Variants in CAMK1D observed in about 807,000 individuals in gnomAD.
The protein encoded by CAMK1D is calcium/calmodulin-dependent protein kinase type 1D.
A neutral mutation model predicts 47.7 loss-of-function variants in CAMK1D; 9 were observed. That is an observed-to-expected ratio of 0.19 (90% CI 0.11 to 0.33). The LOEUF is 0.33. CAMK1D is among the 10% of genes least tolerant of loss of function. CAMK1D has a pLI of 1.00. For missense variants in CAMK1D, 291 were observed against 488.7 expected (o/e 0.60, Z 3.81); for synonymous variants, 184 against 184.9 (o/e 0.99, Z 0.04).
At chr10:12,696,518 C>T (rs1443630616) in intron 3 of CAMK1D, among the ~76,000 whole-genome samples, 1 of 152,196 alleles carries the variant, frequency 6.6e-6, no homozygotes, top group East Asian at 1.9e-4. Context: ...GCCTGGGCAA[C>T]AGAGCGAGAC....
chr10:12,599,798 G>A (rs1197796407), intron 2 of CAMK1D, among the ~76,000 whole-genome samples: 4 of 152,228 alleles, frequency 2.6e-5, no homozygotes, highest in African/African-American at 9.6e-5. Context: ...CCCATTGCCA[G>A]CTTCTGGGGA....
intron 1 of CAMK1D, among the ~76,000 whole-genome samples, chr10:12,520,937 A>AGG (rs1554781335): frequency 1.2e-3 from 10 of 8,076 alleles, no homozygotes; most frequent in African/African-American, 6.1e-3. Context: ...CCGTGGGGAG[A>AGG]GGGAGAGGGA....
intron 1 of CAMK1D, among the ~76,000 whole-genome samples, chr10:12,368,163 C>T (rs1471704076): frequency 1.4e-5 from 2 of 147,536 alleles, no homozygotes; most frequent in South Asian, 2.1e-4. Context: ...CTGCAGTCCG[C>T]AGTCCGGCCT....
At position 12,772,042 on chromosome 10, in the gene CAMK1D, A is replaced by C. The variant is rs542315859; in HGVS notation, c.565+2243A>C. ...AAGCGAGATGCTATCTCAGGAAAAAAAAAAAAAGCCAGTATAGGCTTTGAT... is the reference window on the plus strand; with the variant it reads ...AAGCGAGATGCTATCTCAGGAAAAACAAAAAAAGCCAGTATAGGCTTTGAT... On this transcript the variant is annotated intron_variant, in intron 5 of 10. Transcript: ENST00000619168. 6.6e-5 allele frequency among the ~76,000 whole-genome samples: 10 copies of C among 152,230 alleles called. No individual in the cohort carries two copies. In the South Asian group the frequency reaches 2.1e-3, roughly 32 times the overall value.
intron 2 of CAMK1D, among the ~76,000 whole-genome samples, chr10:12,634,403 C>T (rs944929186): frequency 1.3e-5 from 2 of 152,172 alleles, no homozygotes; most frequent in Non-Finnish European, 1.5e-5. Flanking sequence ...CACCTCTGGG[C>T]TCAAGCCATC....
intron 3 of CAMK1D, among the ~76,000 whole-genome samples, chr10:12,696,775 T>A (rs1374844647): frequency 6.6e-6 from 1 of 152,238 alleles, no homozygotes; most frequent in Non-Finnish European, 1.5e-5. Context: ...GTAGTTGTAG[T>A]AATAAATTTC....
At chr10:12,759,148 A>G (rs1193473097) in intron 3 of CAMK1D, among the ~76,000 whole-genome samples, 1 of 152,238 alleles carries the variant, frequency 6.6e-6, no homozygotes, top group Non-Finnish European at 1.5e-5. Context: ...CAGGAGTTTG[A>G]GACCAGACTG....
At chr10:12,747,931 A>C (rs1835761914) in intron 3 of CAMK1D, among the ~76,000 whole-genome samples, 1 of 152,200 alleles carries the variant, frequency 6.6e-6, no homozygotes, top group African/African-American at 2.4e-5. Context: ...AGGGAAGTCA[A>C]ATTTGCTATA....
chr10:12,617,764 C>A (rs1487660649), intron 2 of CAMK1D, among the ~76,000 whole-genome samples: 1 of 152,108 alleles, frequency 6.6e-6, no homozygotes, highest in African/African-American at 2.4e-5. Flanking sequence ...AAATATTGAA[C>A]AGTCACAAAA....
chr10:12,676,014 G>A lies in CAMK1D; in HGVS notation c.299+9204G>A, dbSNP rs184940691. Among the ~76,000 whole-genome samples the A allele has an allele frequency of 6.0e-3, 916 of 152,260 alleles. 10 individuals are homozygous for A. The highest frequency in any genetic ancestry group is 0.021 in the African/African-American group (880 of 41,542). ...GTTGCCCAGGCTGGAGTGCAATGGC[G>A]CGATCTCGGCTCACCACAACCTCTG... On this transcript the variant is annotated intron_variant, in intron 3 of 10. Coordinates refer to ENST00000619168, the MANE Select transcript of CAMK1D (RefSeq NM_153498.4).
At chr10:12,799,155 C>G (rs909722591) in intron 6 of CAMK1D, among the ~76,000 whole-genome samples, 1 of 152,168 alleles carries the variant, frequency 6.6e-6, no homozygotes, top group Non-Finnish European at 1.5e-5. Context: ...CAGAAGCCCA[C>G]GACTCGACGC....
chr10:12,763,550 C>G (rs1044618210), intron 4 of CAMK1D, among the ~76,000 whole-genome samples: 5 of 152,136 alleles, frequency 3.3e-5, no homozygotes, highest in Non-Finnish European at 7.3e-5. Flanking sequence ...GGCATTCAGC[C>G]CTGGGCACTG....
chr10:12,575,291 C>T (rs540792025), intron 2 of CAMK1D, among the ~76,000 whole-genome samples: 19 of 152,202 alleles, frequency 1.2e-4, no homozygotes, highest in African/African-American at 4.1e-4. Context: ...TGGGGTTTCA[C>T]CATGTTGGCC....
chr10:12,524,536 T>C (rs1835556025), intron 1 of CAMK1D, among the ~76,000 whole-genome samples: 1 of 151,868 alleles, frequency 6.6e-6, no homozygotes, highest in Non-Finnish European at 1.5e-5. Context: ...TGAAAACCCG[T>C]CTCTACTAAA....
intron 1 of CAMK1D, among the ~76,000 whole-genome samples, chr10:12,470,382 A>G (rs1329247216): frequency 6.6e-6 from 1 of 152,202 alleles, no homozygotes; most frequent in Non-Finnish European, 1.5e-5. Context: ...TGCATAGTCA[A>G]CACAATTGCT....
intron 5 of CAMK1D, among the ~76,000 whole-genome samples, chr10:12,774,046 T>TATTTATTGCAC (rs1255086635): frequency 1.6e-5 from 2 of 125,126 alleles, no homozygotes; most frequent in Non-Finnish European, 3.2e-5. Flanking sequence ...TTGCCTACCT[T>TATTTATTGCAC]CTGTTCTGGG....
intron 1 of CAMK1D, among the ~76,000 whole-genome samples, chr10:12,428,422 C>T (rs907498656): frequency 6.6e-6 from 1 of 152,180 alleles, no homozygotes; most frequent in Non-Finnish European, 1.5e-5. Flanking sequence ...TTTTCTTTCT[C>T]CACGTTCGAC....
chr10:12,568,541 C>G (rs865859321), intron 2 of CAMK1D, among the ~76,000 whole-genome samples: 1 of 123,314 alleles, frequency 8.1e-6, no homozygotes, highest in Non-Finnish European at 1.7e-5. Flanking sequence ...ACCTTTCTTC[C>G]TGGTTGCAGA....
At chr10:12,624,928 T>C (rs1433725591) in intron 2 of CAMK1D, among the ~76,000 whole-genome samples, 1 of 152,098 alleles carries the variant, frequency 6.6e-6, no homozygotes, top group Admixed American at 6.6e-5. Context: ...GACAGAATCT[T>C]CTCATACCTA....
Sources: allele counts gnomAD v4.1 joint callset (sites outside exome capture counted in the v4.1 genomes callset), GRCh38; gene constraint gnomAD v4.1.1; transcripts MANE v1.5; gene names NCBI Gene and HGNC (gene_info 2026-07-23, HGNC 2026-07-21).